DAPP1: variants seen among roughly 807,000 people sequenced by gnomAD.
DAPP1 encodes dual adapter for phosphotyrosine and 3-phosphotyrosine and 3-phosphoinositide.
In DAPP1, 20 loss-of-function variants were observed where a neutral mutation model predicts 41.5. The observed-to-expected ratio is 0.48, with a 90% CI of 0.34 to 0.70. The LOEUF (loss-of-function observed/expected upper bound fraction) is 0.70, where lower values mean the gene tolerates loss of function less well. Among genes scored for constraint, DAPP1 ranks in the 30% least tolerant of loss-of-function variants. The probability of loss-of-function intolerance (pLI) is 0.01; values close to 1 mark genes in which losing one functional copy is unlikely to be tolerated. For synonymous variants in DAPP1, 113 were observed against 116.2 expected, an observed-to-expected ratio of 0.97 and a Z score of 0.18; for missense variants, 233 against 333.4, an observed-to-expected ratio of 0.70 and a Z score of 2.35.
At chr4:99,823,123 A>C (rs1645308028) in intron 1 of DAPP1, among the ~76,000 whole-genome samples, 3 of 152,190 alleles carry the variant, frequency 2.0e-5, no homozygotes, top group Admixed American at 1.3e-4. Context: ...TTTAGGGTTA[A>C]AGTGTCAGGA....
At chr4:99,828,493 A>T (rs1723018648) in intron 1 of DAPP1, among the ~76,000 whole-genome samples, 1 of 152,200 alleles carries the variant, frequency 6.6e-6, no homozygotes, top group Non-Finnish European at 1.5e-5. Flanking sequence ...AGAACAAATG[A>T]GGTATAAAGT....
intron 4 of DAPP1, among the ~76,000 whole-genome samples, chr4:99,855,198 C>T (rs571497407): frequency 6.6e-6 from 1 of 152,298 alleles, no homozygotes; most frequent in East Asian, 1.9e-4. Context: ...TTCATAATTT[C>T]CTCTTTACCC....
intron 1 of DAPP1, among the ~76,000 whole-genome samples, chr4:99,832,079 C>T (rs1280941755): frequency 1.3e-5 from 2 of 151,606 alleles, no homozygotes; most frequent in Non-Finnish European, 1.5e-5. Context: ...GTACTTTATT[C>T]TCTCTTGGAT....
chr4:99,828,800 GGT>G (rs1208161278), intron 1 of DAPP1, among the ~76,000 whole-genome samples: 8 of 152,096 alleles, frequency 5.3e-5, no homozygotes, highest in African/African-American at 1.9e-4. Flanking sequence ...TTGAATTGCT[GGT>G]TTTCATAATC....
chr4:99,866,433 C>T (rs1287410557), intron 8 of DAPP1: 2 of 696,190 alleles, frequency 2.9e-6, no homozygotes, highest in African/African-American at 3.6e-5. Flanking sequence ...ACATTTAGAA[C>T]CAGAAGGTCT....
At position 99,817,001 on chromosome 4, in the gene DAPP1, C is replaced by T. The variant is rs1722609429; in HGVS notation, c.88C>T (p.Leu30Phe). 2 of 1,601,096 alleles carry T rather than the reference C, an allele frequency of 1.2e-6. No homozygotes were observed. Among genetic ancestry groups the T allele is most frequent in the African/African-American group, 1.3e-5 (1 of 74,668 alleles). The stretch of plus-strand genomic sequence containing the variant: ...CAGATCCGATGGAGAGGCTGAGCTG[C>T]TCCAGGACTTGGGGTAAGGCAGCAG... ...WSRSDGEAEL[L>F]QDLGWYHGNL... The change falls in exon 1 of 9, where the codon CTC becomes TTC. Residue 30 changes from leucine to phenylalanine, a missense_variant. Leu to Phe is a conservative substitution (Grantham distance 22). Coordinates refer to ENST00000512369, the MANE Select transcript of DAPP1 (RefSeq NM_014395.3).
chr4:99,864,990 A>G (rs1379927256), intron 7 of DAPP1: 1 of 152,218 alleles, frequency 6.6e-6, no homozygotes, highest in Non-Finnish European at 1.5e-5. Context: ...CTGTATTAAT[A>G]GACAGTTAAT....
chr4:99,865,305 A>G (rs1724385597), intron 7 of DAPP1: 1 of 152,202 alleles, frequency 6.6e-6, no homozygotes, highest in Admixed American at 6.5e-5. Context: ...TCAGTATGTA[A>G]TTTAGGGCTG....
intron 3 of DAPP1, among the ~76,000 whole-genome samples, chr4:99,843,702 G>C (rs1723571718): frequency 6.6e-6 from 1 of 152,106 alleles, no homozygotes; most frequent in African/African-American, 2.4e-5. Flanking sequence ...TTTTCTCAAT[G>C]GCCCTTTTAC....
At chr4:99,847,840 A>C (rs1723718259) in intron 3 of DAPP1, among the ~76,000 whole-genome samples, 1 of 146,514 alleles carries the variant, frequency 6.8e-6, no homozygotes. Flanking sequence ...TTTGAGACAG[A>C]GTCTCACTCT....
At chr4:99,863,216 A>T in intron 6 of DAPP1, 144 bp downstream of exon 6, 1 of 603,926 alleles carries the variant, frequency 1.7e-6, no homozygotes, top group Non-Finnish European at 2.8e-6. Flanking sequence ...TTGATTCCTG[A>T]AATGAGCAGA....
At chr4:99,866,496 G>A (rs1724462508) in intron 8 of DAPP1, 2 of 761,508 alleles carry the variant, frequency 2.6e-6, no homozygotes, top group Non-Finnish European at 4.8e-6. Context: ...TAAATTGTTA[G>A]AGAAGAAAGT....
chr4:99,839,349 A>AT (rs1491515825), intron 2 of DAPP1, among the ~76,000 whole-genome samples: 2 of 142,342 alleles, frequency 1.4e-5, no homozygotes, highest in Non-Finnish European at 3.1e-5. Context: ...GGAGAGGCAG[A>AT]TATATATATA....
At chr4:99,857,832 A>G (rs1724101555) in intron 4 of DAPP1, among the ~76,000 whole-genome samples, 1 of 152,182 alleles carries the variant, frequency 6.6e-6, no homozygotes, top group African/African-American at 2.4e-5. Flanking sequence ...GTTTTCTGGA[A>G]CACCATTAAA....
intron 1 of DAPP1, among the ~76,000 whole-genome samples, chr4:99,829,177 A>T (rs953006369): frequency 2.0e-5 from 3 of 152,150 alleles, no homozygotes; most frequent in African/African-American, 7.2e-5. Context: ...TTTCCAATAC[A>T]TGAAAATAAG....
At chr4:99,828,225 G>C (rs745735908) in intron 1 of DAPP1, among the ~76,000 whole-genome samples, 1 of 152,226 alleles carries the variant, frequency 6.6e-6, no homozygotes, top group Non-Finnish European at 1.5e-5. Context: ...GCTTTGCACT[G>C]TGGTTTAAAC....
chr4:99,835,572 G>A (rs998306263), intron 1 of DAPP1, 51 bp from the exon 2 acceptor site: 7 of 1,599,170 alleles, frequency 4.4e-6, no homozygotes, highest in Non-Finnish European at 6.0e-6. Flanking sequence ...AGTGCAGGGG[G>A]AGTCATGCCA....
rs569239341 is a variant in DAPP1, at chr4:99,845,018, C to T, written c.358+4596C>T. On this transcript the variant is annotated intron_variant, in intron 3 of 8. Coordinates refer to ENST00000512369, the MANE Select transcript of DAPP1 (RefSeq NM_014395.3). The stretch of plus-strand genomic sequence containing the variant: ...TCTCAGTTTATAGATGAGTTTTATT[C>T]GAAAAAGGAAAAAGCAGCTGAGGAA... Among the ~76,000 whole-genome samples the T allele has an allele frequency of 3.9e-4, 59 of 152,244 alleles. No homozygotes were observed. The Middle Eastern group carries it at 0.014, about 35-fold the overall frequency.
intron 5 of DAPP1, 99 bp from the exon 6 acceptor site, chr4:99,862,911 A>T (rs1724289869): frequency 4.5e-6 from 4 of 880,268 alleles, no homozygotes; most frequent in Non-Finnish European, 3.3e-6. Flanking sequence ...TTTTTTAGAT[A>T]CTTTTAAAAT....
Sources: gnomAD v4.1 joint callset for allele counts (sites outside exome capture counted in the v4.1 genomes callset) on GRCh38, gnomAD v4.1.1 for gene constraint, MANE v1.5 for transcripts, NCBI Gene and HGNC (gene_info 2026-07-23, HGNC 2026-07-21) for gene names.